NR2C1: variants seen among roughly 807,000 people sequenced by gnomAD.
The protein encoded by NR2C1 is nuclear receptor subfamily 2 group C member 1.
In NR2C1, 33 loss-of-function variants were observed where a neutral mutation model predicts 74.8. The ratio of observed to expected loss-of-function variants is 0.44; its 90% CI spans 0.33 to 0.59. The LOEUF (loss-of-function observed/expected upper bound fraction) is 0.59, where lower values mean the gene tolerates loss of function less well. Ranked by LOEUF, NR2C1 falls within the 20% of genes least tolerant of loss-of-function variation. The probability of loss-of-function intolerance (pLI) is 0.02; values close to 1 mark genes in which losing one functional copy is unlikely to be tolerated. For missense variants in NR2C1, 568 were observed against 715.6 expected, an observed-to-expected ratio of 0.79 and a Z score of 2.35; for synonymous variants, 225 against 240.6, an observed-to-expected ratio of 0.94 and a Z score of 0.60.
chr12:95,046,979 C>T (rs1872398005), intron 9 of NR2C1, among the ~76,000 whole-genome samples: 1 of 152,008 alleles, frequency 6.6e-6, no homozygotes. Flanking sequence ...TGACAAAAGC[C>T]AATCCTAAGA....
rs778818954 is a variant in NR2C1 at position 95,057,659 on chromosome 12, A to G, written c.693-16T>C. ...TCCTGTTGACCTGTAACAAATCAGC[A>G]CAAATTTTGGCCTGAGTTTCATTGG... On this transcript the variant is annotated splice_polypyrimidine_tract_variant and intron_variant, in intron 6 of 13. Coordinates refer to ENST00000333003, the MANE Select transcript of NR2C1 (RefSeq NM_003297.4). 20 of 1,612,886 alleles carry G rather than the reference A, an allele frequency of 1.2e-5. No individual in the cohort carries two copies. The South Asian group carries it at 2.1e-4, about 17-fold the overall frequency.
At chr12:95,061,128 C>T (rs921730118) in intron 3 of NR2C1, among the ~76,000 whole-genome samples, 1 of 152,186 alleles carries the variant, frequency 6.6e-6, no homozygotes, top group Non-Finnish European at 1.5e-5. Context: ...CTGGCCAGTA[C>T]TCCTCACGTA....
At chr12:95,026,122 G>A (rs1454413128) in intron 12 of NR2C1, among the ~76,000 whole-genome samples, 2 of 151,484 alleles carry the variant, frequency 1.3e-5, no homozygotes, top group African/African-American at 4.9e-5. Context: ...CAGGAGAATC[G>A]CTTGAAACCA....
At chr12:95,029,473 G>T (rs941157559) in intron 11 of NR2C1, among the ~76,000 whole-genome samples, 3 of 151,860 alleles carry the variant, frequency 2.0e-5, no homozygotes, top group African/African-American at 7.3e-5. Flanking sequence ...TATAAAAAAT[G>T]GATTTGGATG....
intron 11 of NR2C1, 136 bp downstream of exon 11, chr12:95,031,213 T>C: frequency 1.4e-6 from 1 of 722,054 alleles, no homozygotes. Flanking sequence ...ATTGTAAAAA[T>C]TATCTAAAGT....
intron 11 of NR2C1, among the ~76,000 whole-genome samples, chr12:95,028,997 A>G (rs929446200): frequency 5.9e-5 from 9 of 152,154 alleles, no homozygotes; most frequent in Non-Finnish European, 1.2e-4. Context: ...TATTTCTGCA[A>G]TTATAGCTAA....
intron 10 of NR2C1, among the ~76,000 whole-genome samples, chr12:95,037,825 G>A (rs1871046585): frequency 6.6e-6 from 1 of 151,070 alleles, no homozygotes; most frequent in African/African-American, 2.4e-5. Context: ...AACCCGGGAG[G>A]CGGAGCTTGC....
At chr12:95,032,489 A>G (rs1032987195) in intron 10 of NR2C1, among the ~76,000 whole-genome samples, 2 of 151,130 alleles carry the variant, frequency 1.3e-5, no homozygotes, top group Admixed American at 6.6e-5. Flanking sequence ...AAAGACCCCC[A>G]TCTCTACAAA....
intron 12 of NR2C1, 60 bp downstream of exon 12, chr12:95,028,327 C>A (rs777515155): frequency 6.3e-4 from 895 of 1,410,728 alleles, no homozygotes; most frequent in Non-Finnish European, 8.1e-4. Context: ...CATATGAGGG[C>A]TTCTATTTCT....
intron 2 of NR2C1, among the ~76,000 whole-genome samples, chr12:95,066,068 G>A (rs1198484244): frequency 6.6e-6 from 1 of 151,878 alleles, no homozygotes; most frequent in Admixed American, 6.6e-5. Flanking sequence ...TGACTAAAAA[G>A]TTTATTTTCC....
chr12:95,051,524 A>G (rs1025703429), intron 8 of NR2C1, among the ~76,000 whole-genome samples: 1 of 152,218 alleles, frequency 6.6e-6, no homozygotes, highest in African/African-American at 2.4e-5. Flanking sequence ...ATATTTTTGA[A>G]AAGGTCAGAA....
chr12:95,041,717 G>C (rs1171371081), intron 9 of NR2C1, among the ~76,000 whole-genome samples: 3 of 152,106 alleles, frequency 2.0e-5, no homozygotes, highest in Non-Finnish European at 4.4e-5. Flanking sequence ...TACCAAGGGT[G>C]GGGTAGTCTG....
intron 9 of NR2C1, among the ~76,000 whole-genome samples, chr12:95,047,999 A>T (rs908047359): frequency 6.6e-6 from 1 of 152,254 alleles, no homozygotes; most frequent in Admixed American, 6.5e-5. Flanking sequence ...ATAAATTATA[A>T]ATGTACCTTC....
At chr12:95,068,988 A>G (rs1029891557) in intron 1 of NR2C1, among the ~76,000 whole-genome samples, 2 of 151,984 alleles carry the variant, frequency 1.3e-5, no homozygotes, top group African/African-American at 4.8e-5. Flanking sequence ...AAAAAGAAAA[A>G]CTACATCTTA....
At chr12:95,067,988 C>T (rs1875984382) in intron 1 of NR2C1, among the ~76,000 whole-genome samples, 1 of 146,860 alleles carries the variant, frequency 6.8e-6, no homozygotes, top group African/African-American at 2.5e-5. Flanking sequence ...TCATGCCATT[C>T]TCCTGCCTCA....
chr12:95,030,876 A>T (rs754181842), intron 11 of NR2C1: 1 of 1,609,770 alleles, frequency 6.2e-7, no homozygotes, highest in East Asian at 2.2e-5. Flanking sequence ...CTTGGCATCT[A>T]GGAAAGGAAA....
At position 95,046,597 on chromosome 12, in the gene NR2C1, A is replaced by C. The variant is rs568237418; in HGVS notation, c.1131+2471T>G. 2.0e-5 allele frequency among the ~76,000 whole-genome samples: 3 copies of C among 152,318 alleles called. No homozygotes were observed. In the South Asian group the frequency reaches 6.2e-4, roughly 32 times the overall value. On this transcript the variant is annotated intron_variant, in intron 9 of 13. Coordinates refer to ENST00000333003, the MANE Select transcript of NR2C1 (RefSeq NM_003297.4). ...TGAGACCCTATCTCACAAAGAAAAA[A>C]AAAATTAAAAATTCTAACCTCAGCT...
At chr12:95,036,838 C>CA (rs1870908109) in intron 10 of NR2C1, among the ~76,000 whole-genome samples, 1 of 152,016 alleles carries the variant, frequency 6.6e-6, no homozygotes, top group African/African-American at 2.4e-5. Context: ...TTATAGGACT[C>CA]ACAATTAGAG....
intron 11 of NR2C1, 41 bp downstream of exon 11, chr12:95,031,308 T>G (rs1250276819): frequency 1.4e-6 from 2 of 1,474,838 alleles, no homozygotes; most frequent in South Asian, 1.6e-5. Flanking sequence ...AACTCATGCC[T>G]CCTCCTACAA....
Sources: allele counts gnomAD v4.1 joint callset (sites outside exome capture counted in the v4.1 genomes callset), GRCh38; gene constraint gnomAD v4.1.1; transcripts MANE v1.5; gene names NCBI Gene and HGNC (gene_info 2026-07-23, HGNC 2026-07-21).